RAB3GAP2: variants seen among roughly 807,000 people sequenced by gnomAD.
RAB3GAP2 encodes rab3 GTPase-activating protein non-catalytic subunit.
RAB3GAP2 carries 87 observed loss-of-function variants against 185.3 expected under a neutral mutation model. That is an observed-to-expected ratio of 0.47 (90% CI 0.39 to 0.56). The LOEUF (loss-of-function observed/expected upper bound fraction) is 0.56. RAB3GAP2 is among the 20% of genes least tolerant of loss of function. The probability of loss-of-function intolerance (pLI) is 0.00; values close to 1 mark genes in which losing one functional copy is unlikely to be tolerated. For synonymous variants in RAB3GAP2, 554 were observed against 576.1 expected, an observed-to-expected ratio of 0.96 and a Z score of 0.55; for missense variants, 1,492 against 1,638.2, an observed-to-expected ratio of 0.91 and a Z score of 1.54.
rs2808017 is a variant in RAB3GAP2 at position 220,267,376 on chromosome 1, T to G, written c.115+4847A>C. The G allele has an allele frequency of 8.8e-3, 10,800 of 1,233,164 alleles. 704 individuals are homozygous for G. In the African/African-American group the frequency reaches 0.14, roughly 16 times the overall value. The allele number at this position is 1,233,164 out of a possible 1,614,324, so 76.4% of individuals were successfully genotyped here. A position where few individuals can be genotyped will look rare whatever the true frequency, so the allele number is the denominator to read the frequency against. The stretch of plus-strand genomic sequence containing the variant: ...TTGGAGGTGGGACTGTATTTCTACT[T>G]CTCTTCTGAGTTGATGCTCCACTCC... On this transcript the variant is annotated intron_variant, in intron 1 of 34. Coordinates refer to ENST00000358951, the MANE Select transcript of RAB3GAP2 (RefSeq NM_012414.4).
At chr1:220,175,717 C>T (rs891240966) in intron 21 of RAB3GAP2, among the ~76,000 whole-genome samples, 10 of 152,206 alleles carry the variant, frequency 6.6e-5, no homozygotes, top group African/African-American at 2.2e-4. Context: ...CTCCAACCAA[C>T]CTCTCCTCTA....
At chr1:220,232,677 T>C (rs1659522534) in intron 2 of RAB3GAP2, 122 bp downstream of exon 2, 5 of 916,860 alleles carry the variant, frequency 5.5e-6, no homozygotes, top group Non-Finnish European at 8.9e-6. Context: ...TACTAATAAG[T>C]AAGCACAAAA....
chr1:220,199,487 C>T (rs1442333721), intron 9 of RAB3GAP2, among the ~76,000 whole-genome samples: 3 of 152,042 alleles, frequency 2.0e-5, no homozygotes, highest in African/African-American at 7.2e-5. Context: ...TCCAATGGAC[C>T]TTCTTCTTTT....
At chr1:220,198,930 AGG>A (rs2102873715) in intron 9 of RAB3GAP2, among the ~76,000 whole-genome samples, 1 of 152,272 alleles carries the variant, frequency 6.6e-6, no homozygotes, top group African/African-American at 2.4e-5. Context: ...GAGTGAAGAG[AGG>A]GAGAAAGCCA....
chr1:220,175,582 T>A (rs1294404336), intron 21 of RAB3GAP2, among the ~76,000 whole-genome samples: 1 of 152,204 alleles, frequency 6.6e-6, no homozygotes. Flanking sequence ...CATTTCCCCA[T>A]CAACAACAAA....
At chr1:220,202,433 A>G in intron 8 of RAB3GAP2, 59 bp from the exon 9 acceptor site, 2 of 1,517,332 alleles carry the variant, frequency 1.3e-6, no homozygotes, top group Non-Finnish European at 1.8e-6. Context: ...AGTTTTACAA[A>G]AAAACATTAA....
intron 4 of RAB3GAP2, 124 bp downstream of exon 4, chr1:220,212,763 G>A (rs1159151443): frequency 1.2e-6 from 1 of 832,642 alleles, no homozygotes; most frequent in East Asian, 2.7e-5. Flanking sequence ...AAAGTGCTAG[G>A]ATTACAGATG....
At chr1:220,218,158 G>A (rs188540659) in intron 2 of RAB3GAP2, among the ~76,000 whole-genome samples, 7 of 152,090 alleles carry the variant, frequency 4.6e-5, no homozygotes, top group African/African-American at 1.4e-4. Context: ...TTTTTATTCC[G>A]GTTTCATCCA....
In RAB3GAP2 at chr1:220,153,165, A is replaced by G. The variant is rs371927934; in HGVS notation, c.3867+20T>C. ...ATTTTATAACTTGAGCCCAATTAAC[A>G]TTCAAAGGGTCATGATTACCTCTTC... On this transcript the variant is annotated intron_variant, in intron 33 of 34. Transcript: ENST00000358951. The G allele has an allele frequency of 1.9e-6, 3 of 1,564,412 alleles. No individual in the cohort carries two copies. In the African/African-American group the frequency reaches 4.1e-5, roughly 21 times the overall value.
At chr1:220,238,602 G>A (rs1163985491) in intron 1 of RAB3GAP2, among the ~76,000 whole-genome samples, 11 of 152,138 alleles carry the variant, frequency 7.2e-5, no homozygotes, top group Admixed American at 6.5e-4. Flanking sequence ...CTTAATAGCT[G>A]TTATAATTAC....
intron 1 of RAB3GAP2, 30 bp downstream of exon 1, chr1:220,272,193 A>G: frequency 6.4e-7 from 1 of 1,553,176 alleles, no homozygotes; most frequent in East Asian, 2.3e-5. Flanking sequence ...GTGACGAGGG[A>G]AGGAAGGGCG....
rs938159112 is a variant in RAB3GAP2 at position 220,158,076 on chromosome 1, C to T, written c.3262-200G>A. Among the ~76,000 whole-genome samples, 1 of 152,156 alleles carries T rather than the reference C, an allele frequency of 6.6e-6. No individual in the cohort carries two copies. Among genetic ancestry groups the T allele is most frequent in the African/African-American group, 2.4e-5 (1 of 41,432 alleles). ...ACTGTCAACCAATTTTAAAGTCAAG[C>T]TTTACAAAGTGGTATAAATATTGAC... On this transcript the variant is annotated intron_variant, in intron 29 of 34. Coordinates refer to ENST00000358951, the MANE Select transcript of RAB3GAP2 (RefSeq NM_012414.4). The surrounding 1 kb of genome is among the most constrained non-coding windows in gnomAD (Gnocchi z 4.3).
rs12075763 is a variant in RAB3GAP2 at position 220,260,811 on chromosome 1, A to G, written c.115+11412T>C. Among the ~76,000 whole-genome samples, 836 of 152,310 alleles carry G rather than the reference A, an allele frequency of 5.5e-3. 12 individuals are homozygous for G. The highest frequency in any genetic ancestry group is 0.019 in the African/African-American group (778 of 41,572). On this transcript the variant is annotated intron_variant, in intron 1 of 34. Transcript: ENST00000358951. ...AATACTTCCAATAGAACTTTCTGTAATCATGGAAGTATTCTGTATCTGTGC... is the reference window on the plus strand; with the variant it reads ...AATACTTCCAATAGAACTTTCTGTAGTCATGGAAGTATTCTGTATCTGTGC...
intron 21 of RAB3GAP2, among the ~76,000 whole-genome samples, chr1:220,180,580 G>A (rs1658384352): frequency 6.6e-6 from 1 of 152,180 alleles, no homozygotes; most frequent in South Asian, 2.1e-4. Flanking sequence ...CGAGATGGAA[G>A]CAGTCATAAA....
At chr1:220,154,217 A>G (rs914146952) in intron 31 of RAB3GAP2, 160 bp from the exon 32 acceptor site, 30 of 1,060,670 alleles carry the variant, frequency 2.8e-5, no homozygotes, top group Admixed American at 8.9e-5. Context: ...TCTAGTATAT[A>G]GTAGACAGCC....
rs954896895 is a variant in RAB3GAP2 at position 220,148,881 on chromosome 1, G to A, written c.*2370C>T. The A allele has an allele frequency of 2.6e-5, 4 of 151,940 alleles. No homozygotes were observed. The highest frequency in any genetic ancestry group is 5.9e-5 in the Non-Finnish European group (4 of 67,964). 9.4% of individuals were successfully genotyped at this position (151,940 alleles called of 1,614,324 possible). A position where few individuals can be genotyped will look rare whatever the true frequency, so the allele number is the denominator to read the frequency against. ...AGTTATGATTATTTGAACACTTTTT[G>A]TTTTCCTTCAGCATTATACAATATA... On this transcript the variant is annotated 3_prime_UTR_variant, in exon 35 of 35. Transcript: ENST00000358951.
chr1:220,202,481 A>T, intron 8 of RAB3GAP2, 107 bp from the exon 9 acceptor site: 1 of 1,160,696 alleles, frequency 8.6e-7, no homozygotes. Flanking sequence ...TTCAGCTAAT[A>T]ATGACACAAA....
chr1:220,171,843 G>A, intron 23 of RAB3GAP2, 46 bp downstream of exon 23: 1 of 1,612,194 alleles, frequency 6.2e-7, no homozygotes, highest in Non-Finnish European at 8.5e-7. Context: ...CATCCCCTTA[G>A]CCTACTGGAT....
chr1:220,192,274 T>C (rs1658637916), intron 13 of RAB3GAP2, among the ~76,000 whole-genome samples: 1 of 152,240 alleles, frequency 6.6e-6, no homozygotes, highest in African/African-American at 2.4e-5. Context: ...AGGTAAAGAC[T>C]GCCTCTGTCT....
Sources: gnomAD v4.1 joint callset for allele counts (sites outside exome capture counted in the v4.1 genomes callset) on GRCh38, gnomAD v4.1.1 for gene constraint, Gnocchi (gnomAD v3.1) non-coding constraint, MANE v1.5 for transcripts, NCBI Gene and HGNC (gene_info 2026-07-23, HGNC 2026-07-21) for gene names.